IPPK: variants seen among roughly 807,000 people sequenced by gnomAD.
IPPK encodes inositol-pentakisphosphate 2-kinase.
In IPPK, 22 loss-of-function variants were observed where a neutral mutation model predicts 64.6. The ratio of observed to expected loss-of-function variants is 0.34; its 90% CI spans 0.24 to 0.49. The LOEUF is 0.49. IPPK is among the 20% of genes least tolerant of loss of function. The probability of loss-of-function intolerance (pLI) is 0.99; values close to 1 mark genes in which losing one functional copy is unlikely to be tolerated. For synonymous variants in IPPK, 262 were observed against 247.2 expected (o/e 1.06, Z -0.56); for missense variants, 532 against 630.7 (o/e 0.84, Z 1.68).
At chr9:92,643,949 C>G (rs535169971) in intron 6 of IPPK, among the ~76,000 whole-genome samples, 2 of 152,282 alleles carry the variant, frequency 1.3e-5, no homozygotes, top group African/African-American at 4.8e-5. Flanking sequence ...GTTATATGAG[C>G]AGGTAGTGCT....
At chr9:92,644,586 C>T (rs568867167) in intron 6 of IPPK, among the ~76,000 whole-genome samples, 4 of 152,200 alleles carry the variant, frequency 2.6e-5, no homozygotes, top group African/African-American at 7.2e-5. Flanking sequence ...GGCCTTTTCC[C>T]CATGGGCATT....
chr9:92,637,970 C>T, intron 9 of IPPK, 31 bp downstream of exon 9: 1 of 1,500,300 alleles, frequency 6.7e-7, no homozygotes, highest in Non-Finnish European at 8.9e-7. Flanking sequence ...CTGCGGCCCC[C>T]ACCGCCTACC....
At chr9:92,631,375 T>C (rs577457740) in intron 11 of IPPK, among the ~76,000 whole-genome samples, 1 of 152,222 alleles carries the variant, frequency 6.6e-6, no homozygotes, top group Admixed American at 6.5e-5. Flanking sequence ...TTTGTATTTT[T>C]AGTAGAGACA....
At chr9:92,634,835 G>A (rs1851909060) in intron 10 of IPPK, among the ~76,000 whole-genome samples, 1 of 152,236 alleles carries the variant, frequency 6.6e-6, no homozygotes, top group Non-Finnish European at 1.5e-5. Context: ...GACAGAGGCT[G>A]GGCTGACACA....
In IPPK at chr9:92,649,542, T is replaced by C; in HGVS notation, c.325A>G (p.Ser109Gly). ...SRCDKDLDTLSGYAMCLPNLT... is the reference protein window; with the variant it reads ...SRCDKDLDTLGGYAMCLPNLT... ...TTAGGAAGGCACATAGCGTAACCACTGAGAGTATCCAGGTCCTTGTCACAG... is the reference window on the plus strand; with the variant it reads ...TTAGGAAGGCACATAGCGTAACCACCGAGAGTATCCAGGTCCTTGTCACAG... The change falls in exon 5 of 13, where the codon AGT becomes GGT. Residue 109 changes from serine to glycine, a missense_variant. By Grantham distance (56) the Ser-to-Gly change is moderately conservative (BLOSUM62 0). Transcript: ENST00000287996. 6.2e-7 allele frequency: 1 copy of C among 1,614,126 alleles called. No homozygotes were observed. Among genetic ancestry groups the C allele is most frequent in the Non-Finnish European group, 8.5e-7 (1 of 1,180,020 alleles).
At chr9:92,669,848 C>A in intron 1 of IPPK, 60 bp downstream of exon 1, 1 of 1,240,390 alleles carries the variant, frequency 8.1e-7, no homozygotes, top group East Asian at 2.5e-5. Flanking sequence ...ATAATGGGGG[C>A]GGGGTGATAC....
Position 92,615,718 on chromosome 9 carries a change from A to T in IPPK, c.*114T>A. 2.6e-6 allele frequency: 2 copies of T among 776,712 alleles called. No individual in the cohort carries two copies. The highest frequency in any genetic ancestry group is 2.1e-6 in the Non-Finnish European group (1 of 471,348). 48.1% of individuals were successfully genotyped at this position (776,712 alleles called of 1,614,324 possible). A position where few individuals can be genotyped will look rare whatever the true frequency, so the allele number is the denominator to read the frequency against. On this transcript the variant is annotated 3_prime_UTR_variant, in exon 13 of 13. Transcript: ENST00000287996. ...CTCCAAGAGGCAATCCCACCTCAAA[A>T]GGGGTTAAAAGCAAAAACATTCACA...
At chr9:92,654,355 A>G (rs1007197417) in intron 3 of IPPK, among the ~76,000 whole-genome samples, 1 of 152,134 alleles carries the variant, frequency 6.6e-6, no homozygotes, top group Non-Finnish European at 1.5e-5. Context: ...CATTTCCACA[A>G]GAAAAACTAA....
At chr9:92,626,575 A>T (rs1388497425) in intron 11 of IPPK, among the ~76,000 whole-genome samples, 1 of 152,212 alleles carries the variant, frequency 6.6e-6, no homozygotes, top group Non-Finnish European at 1.5e-5. Context: ...GATGTGTGGG[A>T]GATAAAATAA....
At chr9:92,657,407 T>C (rs1381229161) in intron 2 of IPPK, among the ~76,000 whole-genome samples, 7 of 151,554 alleles carry the variant, frequency 4.6e-5, no homozygotes, top group Non-Finnish European at 1.0e-4. Flanking sequence ...AAGTCTCCAC[T>C]GATCACACAG....
chr9:92,619,256 A>G (rs1264659022), intron 12 of IPPK: 3 of 518,136 alleles, frequency 5.8e-6, no homozygotes, highest in Admixed American at 3.1e-5. Context: ...CTTTCAATGT[A>G]CTAACAATCC....
intron 7 of IPPK, among the ~76,000 whole-genome samples, chr9:92,642,455 G>A (rs887245168): frequency 6.6e-6 from 1 of 152,256 alleles, no homozygotes; most frequent in Non-Finnish European, 1.5e-5. Context: ...GACGGATGGA[G>A]GTCAAGGCTG....
At chr9:92,654,556 A>G (rs1425371921) in intron 3 of IPPK, among the ~76,000 whole-genome samples, 1 of 152,182 alleles carries the variant, frequency 6.6e-6, no homozygotes, top group Non-Finnish European at 1.5e-5. Context: ...CATCCTCTTA[A>G]AAGTCCAACT....
intron 1 of IPPK, among the ~76,000 whole-genome samples, chr9:92,660,837 C>A (rs1852467819): frequency 6.6e-6 from 1 of 152,200 alleles, no homozygotes; most frequent in Admixed American, 6.5e-5. Context: ...ACACACAAAA[C>A]CACTCACATA....
chr9:92,615,881 G>A lies in IPPK; in HGVS notation c.1427C>T (p.Thr476Ile). Residue 476 changes from threonine (T) to isoleucine (I), a missense_variant, in exon 13 of 13, where the codon ACT (threonine) becomes ATT (isoleucine). Transcript: ENST00000287996. Reference protein sequence around the residue: ...VRAKDNAVMSTRFKESEDCTL... With the variant: ...VRAKDNAVMSIRFKESEDCTL... Reference sequence around the variant, plus strand: ...GCAATCTTCGCTTTCCTTGAACCGAGTCGACATCACGGCGTTGTCTTTGGC... The same window carrying A: ...GCAATCTTCGCTTTCCTTGAACCGAATCGACATCACGGCGTTGTCTTTGGC... 6.2e-7 allele frequency: 1 copy of A among 1,614,188 alleles called. No homozygotes were observed.
chr9:92,634,940 C>T (rs548474491), intron 10 of IPPK, among the ~76,000 whole-genome samples: 47 of 152,356 alleles, frequency 3.1e-4, no homozygotes, highest in Middle Eastern at 6.8e-3. Context: ...AGGTCACAGA[C>T]GTGCTTTCTT....
At chr9:92,633,429 A>G (rs1851881840) in intron 11 of IPPK, among the ~76,000 whole-genome samples, 1 of 151,840 alleles carries the variant, frequency 6.6e-6, no homozygotes, top group East Asian at 1.9e-4. Context: ...GCTGGAGCAC[A>G]GCGGTATGAT....
At chr9:92,652,491 C>A in intron 4 of IPPK, 82 bp downstream of exon 4, 2 of 666,664 alleles carry the variant, frequency 3.0e-6, no homozygotes, top group Non-Finnish European at 5.0e-6. Context: ...ATGCATATAC[C>A]TAACATGGGT....
At chr9:92,618,913 A>C (rs1851533473) in intron 12 of IPPK, 2 of 311,710 alleles carry the variant, frequency 6.4e-6, no homozygotes, top group Non-Finnish European at 1.2e-5. Flanking sequence ...TCGGTGATGG[A>C]GATGCTGTCT....
Sources: gnomAD v4.1 joint callset for allele counts (sites outside exome capture counted in the v4.1 genomes callset) on GRCh38, gnomAD v4.1.1 for gene constraint, MANE v1.5 for transcripts, NCBI Gene and HGNC (gene_info 2026-07-23, HGNC 2026-07-21) for gene names.